NCOA3: variants seen among roughly 807,000 people sequenced by gnomAD.
The protein encoded by NCOA3 is CBP-interacting protein.
Under a neutral mutation model 158.8 loss-of-function variants are expected in NCOA3, and 51 were observed. The ratio of observed to expected loss-of-function variants is 0.32; its 90% CI spans 0.26 to 0.41. The LOEUF is 0.41. NCOA3 is among the 10% of genes least tolerant of loss of function. The pLI, the probability that NCOA3 is intolerant of heterozygous loss-of-function variation, is 1.00. For missense variants in NCOA3, 1,510 were observed against 1,746.6 expected (o/e 0.86, Z 2.41); for synonymous variants, 537 against 592.4 (o/e 0.91, Z 1.36).
intron 1 of NCOA3, among the ~76,000 whole-genome samples, chr20:47,560,023 C>T (rs1602402048): frequency 1.3e-5 from 2 of 152,278 alleles, no homozygotes. Flanking sequence ...TGGCCTCAAT[C>T]AGTCCACCCA....
At chr20:47,524,637 A>T (rs1054994762) in intron 1 of NCOA3, among the ~76,000 whole-genome samples, 1 of 152,228 alleles carries the variant, frequency 6.6e-6, no homozygotes, top group Non-Finnish European at 1.5e-5. Context: ...CAGAAAGAGG[A>T]AGCTCCCTGG....
At position 47,616,322 on chromosome 20, in the gene NCOA3, T is replaced by G. The variant is rs1359900952; in HGVS notation, c.-19-5907T>G. On this transcript the variant is annotated intron_variant, in intron 2 of 22. Transcript: ENST00000371998. The stretch of plus-strand genomic sequence containing the variant: ...AATCCTCCTGCCTCAGTCCCCCAAG[T>G]AGCTGGGATTACAGGCATGTGTCAC... Among the ~76,000 whole-genome samples, 6 of 151,384 alleles carry G rather than the reference T, an allele frequency of 4.0e-5. No individual in the cohort carries two copies. The East Asian group carries it at 1.2e-3, about 30-fold the overall frequency.
rs145225694 is a variant in NCOA3 at position 47,635,391 on chromosome 20, C to T, written c.1182C>T (p.Cys394=). 51 of 1,613,950 alleles carry T rather than the reference C, an allele frequency of 3.2e-5. No homozygotes were observed. The highest frequency in any genetic ancestry group is 1.6e-4 in the Middle Eastern group (1 of 6,084). The change falls in exon 11 of 23, where the codon TGC becomes TGT. Residue 394 remains cysteine, a synonymous_variant. Transcript: ENST00000371998. ...GGATTAGACCACCTATGGCTGGATG[C>T]AACAGTTCGGTAGGCGGCATGAGTA... ...GQGIRPPMAG[C]NSSVGGMSMS...
Position 47,635,707 on chromosome 20 carries a change from G to T in NCOA3, c.1498G>T (p.Val500Phe). Reference protein sequence around the residue: ...PKIASHQFSPVAGVHSPMASS... With the variant: ...PKIASHQFSPFAGVHSPMASS... ...GATAGCCTCACATCAGTTTTCTCCT[G>T]TTGCAGGTATTTGTGTTGACATTTC... The change falls in exon 11 of 23, where the codon GTT becomes TTT. Residue 500 changes from valine (V) to phenylalanine (F), a missense_variant. Coordinates refer to ENST00000371998, the MANE Select transcript of NCOA3 (RefSeq NM_181659.3). The T allele has an allele frequency of 6.2e-7, 1 of 1,610,944 alleles. No homozygotes were observed. Among genetic ancestry groups the T allele is most frequent in the South Asian group, 1.1e-5 (1 of 90,660 alleles).
intron 1 of NCOA3, among the ~76,000 whole-genome samples, chr20:47,527,529 T>C (rs2084476584): frequency 6.6e-6 from 1 of 152,218 alleles, no homozygotes; most frequent in South Asian, 2.1e-4. Context: ...AGTTTGTTTA[T>C]TTACCAGTTG....
In NCOA3 at chr20:47,627,664, C is replaced by T. The variant is rs764519392; in HGVS notation, c.636C>T (p.Asn212=). 76 of 1,614,022 alleles carry T rather than the reference C, an allele frequency of 4.7e-5. No homozygotes were observed. The highest frequency in any genetic ancestry group is 5.3e-5 in the Non-Finnish European group (62 of 1,180,008). ...CACATGATATTCTGGAAGACATAAACGCCAGTCCTGAAATGCGCCAGAGAT... is the reference window on the plus strand; with the variant it reads ...CACATGATATTCTGGAAGACATAAATGCCAGTCCTGAAATGCGCCAGAGAT... ...KTPHDILEDI[N]ASPEMRQRYE... Residue 212 remains asparagine, a synonymous_variant, in exon 7 of 23, where the codon AAC becomes AAT. Transcript: ENST00000371998.
At position 47,574,630 on chromosome 20, in the gene NCOA3, G is replaced by C. The variant is rs72662716; in HGVS notation, c.-98-8553G>C. 2.2e-3 allele frequency among the ~76,000 whole-genome samples: 337 copies of C among 152,112 alleles called. 6 individuals are homozygous for C. The East Asian group carries it at 0.04, about 18-fold the overall frequency. On this transcript the variant is annotated intron_variant, in intron 1 of 22. Coordinates refer to ENST00000371998, the MANE Select transcript of NCOA3 (RefSeq NM_181659.3). ...CAAATATTTTCCAAAATAGGCTTTTGTGTTTTAAGTTTCTACCTTAATTAA... is the reference window on the plus strand; with the variant it reads ...CAAATATTTTCCAAAATAGGCTTTTCTGTTTTAAGTTTCTACCTTAATTAA...
At chr20:47,534,110 G>A (rs376424555) in intron 1 of NCOA3, among the ~76,000 whole-genome samples, 3 of 151,440 alleles carry the variant, frequency 2.0e-5, no homozygotes, top group African/African-American at 7.3e-5. Flanking sequence ...GTTTCAGTGG[G>A]GGGGGCGGGG....
chr20:47,588,131 C>CTTTTTTTT (rs33989951), intron 2 of NCOA3, among the ~76,000 whole-genome samples: 3 of 78,550 alleles, frequency 3.8e-5, no homozygotes, highest in African/African-American at 9.6e-5. Context: ...CTCCACCCCA[C>CTTTTTTTT]TTTTTTTTTT....
rs2085201002 is a variant in NCOA3, at chr20:47,566,738, G to T, written c.-98-16445G>T. Among the ~76,000 whole-genome samples, 3 of 152,008 alleles carry T rather than the reference G, an allele frequency of 2.0e-5. No homozygotes were observed. In the South Asian group the frequency reaches 6.2e-4, roughly 32 times the overall value. Reference sequence around the variant, plus strand: ...GTGCCCAGGCTGGTCTTGAAATCCTGAGCTCATGCAGTTAACCCACCTTGG... The same window carrying T: ...GTGCCCAGGCTGGTCTTGAAATCCTTAGCTCATGCAGTTAACCCACCTTGG... On this transcript the variant is annotated intron_variant, in intron 1 of 22. Transcript: ENST00000371998.
intron 1 of NCOA3, among the ~76,000 whole-genome samples, chr20:47,533,839 T>C (rs903196944): frequency 6.6e-6 from 1 of 152,036 alleles, no homozygotes; most frequent in African/African-American, 2.4e-5. Context: ...GCTGGGAGGA[T>C]TGCTTGAACC....
Position 47,641,490 on chromosome 20 carries a change from C to CTTTT in NCOA3, c.3081-698_3081-695dup, listed in dbSNP as rs71183270. On this transcript the variant is annotated intron_variant, in intron 16 of 22. Coordinates refer to ENST00000371998, the MANE Select transcript of NCOA3 (RefSeq NM_181659.3). ...GTCAGCCACCACGCCTGGCTCCCTT[C>CTTTT]TTTTTTTTTTTTTTTTTTTTTTTTT... is the stretch of plus-strand genomic sequence containing the variant. Among the ~76,000 whole-genome samples, 205 of 48,372 alleles carry CTTTT rather than the reference C, an allele frequency of 4.2e-3. 21 individuals carry two copies. The highest frequency in any genetic ancestry group is 0.021 in the African/African-American group (176 of 8,410). The allele number at this position is 48,372 out of a possible 152,430, so 31.7% of individuals were successfully genotyped here. A position where few individuals can be genotyped will look rare whatever the true frequency, so the allele number is the denominator to read the frequency against.
In NCOA3 at chr20:47,639,751, T is replaced by G; in HGVS notation, c.2882T>G (p.Leu961Trp). 6.2e-7 allele frequency: 1 copy of G among 1,614,212 alleles called. No individual in the cohort carries two copies. Among genetic ancestry groups the G allele is most frequent in the South Asian group, 1.1e-5 (1 of 91,082 alleles). The change falls in exon 15 of 23, where the codon TTG (leucine) becomes TGG (tryptophan). Residue 961 changes from leucine to tryptophan, a missense_variant. By Grantham distance (61) the Leu-to-Trp change is moderately conservative. This residue lies in a region of NCOA3 where 1,017 missense variants were observed against 1,098.3 expected (regional missense o/e 0.93). Coordinates refer to ENST00000371998, the MANE Select transcript of NCOA3 (RefSeq NM_181659.3). ...GCACTGGGTGGCTCTATTCCCACAT[T>G]GCCTCTTCGGTCTAATAGCATACCA... The part of the protein sequence containing the change: ...RPALGGSIPT[L>W]PLRSNSIPGA...
At chr20:47,534,829 C>G (rs974224100) in intron 1 of NCOA3, among the ~76,000 whole-genome samples, 2 of 151,864 alleles carry the variant, frequency 1.3e-5, no homozygotes, top group East Asian at 1.9e-4. Context: ...GTGGGAGGAT[C>G]GGTTGAGCCT....
chr20:47,606,415 A>G (rs921491668), intron 2 of NCOA3, among the ~76,000 whole-genome samples: 1 of 152,344 alleles, frequency 6.6e-6, no homozygotes. Flanking sequence ...CCATGAATTA[A>G]GGCAGTGGCG....
chr20:47,639,766 A>G lies in NCOA3; in HGVS notation c.2897A>G (p.Asn966Ser), dbSNP rs773683800. Residue 966 changes from asparagine (N) to serine (S), a missense_variant, in exon 15 of 23, where the codon AAT (asparagine) becomes AGT (serine). By Grantham distance (46) the Asn-to-Ser change is conservative. This residue lies in a region of NCOA3 where 1,017 missense variants were observed against 1,098.3 expected (regional missense o/e 0.93). Transcript: ENST00000371998. Reference sequence around the variant, plus strand: ...ATTCCCACATTGCCTCTTCGGTCTAATAGCATACCAGGTGCGAGACCAGTA... The same window carrying G: ...ATTCCCACATTGCCTCTTCGGTCTAGTAGCATACCAGGTGCGAGACCAGTA... ...GSIPTLPLRS[N>S]SIPGARPVLQ... The G allele has an allele frequency of 1.2e-6, 2 of 1,614,248 alleles. No individual in the cohort carries two copies. The highest frequency in any genetic ancestry group is 1.7e-6 in the Non-Finnish European group (2 of 1,180,040).
chr20:47,621,481 T>G (rs1292033332), intron 2 of NCOA3, among the ~76,000 whole-genome samples: 1 of 152,144 alleles, frequency 6.6e-6, no homozygotes, highest in Non-Finnish European at 1.5e-5. Flanking sequence ...GACATGTAAT[T>G]CTTTACAACA....
intron 2 of NCOA3, among the ~76,000 whole-genome samples, chr20:47,593,664 T>A (rs1206024603): frequency 1.3e-5 from 2 of 152,076 alleles, no homozygotes; most frequent in Non-Finnish European, 2.9e-5. Flanking sequence ...TTTAACTTCA[T>A]GAAAATTTTT....
At chr20:47,637,058 GA>G (rs368336442) in intron 12 of NCOA3, among the ~76,000 whole-genome samples, 27 of 148,064 alleles carry the variant, frequency 1.8e-4, no homozygotes, top group Non-Finnish European at 3.3e-4. Context: ...AAGTAATCAG[GA>G]AAAAAAAAAC....
Sources: allele counts gnomAD v4.1 joint callset (sites outside exome capture counted in the v4.1 genomes callset), GRCh38; gene constraint gnomAD v4.1.1; regional missense constraint gnomAD v4.1.1; transcripts MANE v1.5; gene names NCBI Gene and HGNC (gene_info 2026-07-23, HGNC 2026-07-21).